The following CNTN3 variants were observed in gnomAD, a reference collection of about 807,000 sequenced individuals.
The protein encoded by CNTN3 is contactin-3.
In CNTN3, 60 loss-of-function variants were observed where a neutral mutation model predicts 119.1. The observed-to-expected ratio is 0.50, with a 90% CI of 0.41 to 0.62. The LOEUF (loss-of-function observed/expected upper bound fraction) is 0.62. CNTN3 is among the 20% of genes least tolerant of loss of function. The pLI, the probability that CNTN3 is intolerant of heterozygous loss-of-function variation, is 0.00. For synonymous variants in CNTN3, 450 were observed against 438.7 expected (o/e 1.03, Z -0.32); for missense variants, 1,101 against 1,242.4 (o/e 0.89, Z 1.71).
At chr3:74,392,137 A>G (rs1359202014) in intron 5 of CNTN3, among the ~76,000 whole-genome samples, 1 of 152,200 alleles carries the variant, frequency 6.6e-6, no homozygotes. Context: ...GACAGAGGAG[A>G]AAAAAACAAC....
At chr3:74,382,042 C>T (rs1704635530) in intron 5 of CNTN3, among the ~76,000 whole-genome samples, 1 of 152,010 alleles carries the variant, frequency 6.6e-6, no homozygotes, top group African/African-American at 2.4e-5. Flanking sequence ...AACCACGTTT[C>T]TACTAAAAAT....
intron 19 of CNTN3, among the ~76,000 whole-genome samples, chr3:74,286,913 AC>A (rs772457010): frequency 1.4e-4 from 22 of 152,100 alleles, no homozygotes; most frequent in Non-Finnish European, 2.9e-4. Context: ...GCATTTCCTC[AC>A]CCAGCAGACA....
Position 74,298,673 on chromosome 3 carries a change from GC to G in CNTN3, c.2167-483del, listed in dbSNP as rs1448030174. The stretch of plus-strand genomic sequence containing the variant: ...GCACTTTGGGAGGCCAAGGCAAGTG[GC>G]CATCACGAGGTCAGGAGTTTGAGAC... On this transcript the variant is annotated intron_variant, in intron 17 of 22. Transcript: ENST00000263665. Among the ~76,000 whole-genome samples the G allele has an allele frequency of 2.6e-5, 4 of 151,440 alleles. No individual in the cohort carries two copies. In the East Asian group the frequency reaches 7.8e-4, roughly 29 times the overall value.
chr3:74,553,521 A>C (rs1356124640), intron 1 of CNTN3, among the ~76,000 whole-genome samples: 1 of 152,212 alleles, frequency 6.6e-6, no homozygotes, highest in African/African-American at 2.4e-5. Flanking sequence ...TCTGTCTTCC[A>C]CAATGGTTGA....
At chr3:74,603,839 C>T (rs559480067) in intron 1 of CNTN3, among the ~76,000 whole-genome samples, 29 of 151,906 alleles carry the variant, frequency 1.9e-4, no homozygotes, top group Non-Finnish European at 3.2e-4. Context: ...TATGGAATCA[C>T]AAAAGACCCT....
intron 13 of CNTN3, among the ~76,000 whole-genome samples, chr3:74,316,877 G>A (rs559105381): frequency 6.6e-5 from 10 of 151,230 alleles, no homozygotes; most frequent in East Asian, 5.9e-4. Flanking sequence ...GCAATCAGCC[G>A]AGACCGCACC....
intron 1 of CNTN3, among the ~76,000 whole-genome samples, chr3:74,568,334 C>G (rs1382656523): frequency 6.6e-6 from 1 of 152,204 alleles, no homozygotes; most frequent in Non-Finnish European, 1.5e-5. Context: ...TTTTCTCTCA[C>G]TAGTTCGTCC....
At chr3:74,586,975 GCTA>G in intron 1 of CNTN3, among the ~76,000 whole-genome samples, 1 of 152,090 alleles carries the variant, frequency 6.6e-6, no homozygotes, top group Non-Finnish European at 1.5e-5. Context: ...GCCTCTCCCA[GCTA>G]CTCTTATTTT....
At chr3:74,461,133 T>C (rs1036480442) in intron 4 of CNTN3, among the ~76,000 whole-genome samples, 1 of 152,064 alleles carries the variant, frequency 6.6e-6, no homozygotes, top group East Asian at 1.9e-4. Context: ...CCCTCGCTGA[T>C]ATGATGTGTT....
chr3:74,284,598 T>C (rs1178017729), intron 20 of CNTN3, among the ~76,000 whole-genome samples: 1 of 152,194 alleles, frequency 6.6e-6, no homozygotes, highest in Non-Finnish European at 1.5e-5. Flanking sequence ...ACATTTGCAT[T>C]GTAAGTACCA....
chr3:74,512,101 T>C (rs972624113), intron 2 of CNTN3, among the ~76,000 whole-genome samples: 5 of 152,196 alleles, frequency 3.3e-5, no homozygotes, highest in African/African-American at 2.4e-5. Flanking sequence ...TATTTTTTCA[T>C]TGCAGCAGTG....
intron 13 of CNTN3, among the ~76,000 whole-genome samples, chr3:74,329,979 T>C (rs1703220900): frequency 6.6e-6 from 1 of 152,086 alleles, no homozygotes; most frequent in Non-Finnish European, 1.5e-5. Context: ...CAGGAGAGAA[T>C]GGGATAAATA....
chr3:74,402,664 T>C (rs915727893), intron 5 of CNTN3, among the ~76,000 whole-genome samples: 5 of 152,132 alleles, frequency 3.3e-5, no homozygotes, highest in African/African-American at 7.2e-5. Context: ...TGGATTCCAA[T>C]TGAAGGTAGT....
intron 5 of CNTN3, among the ~76,000 whole-genome samples, chr3:74,414,945 A>T (rs994497466): frequency 7.0e-6 from 1 of 142,178 alleles, no homozygotes; most frequent in Non-Finnish European, 1.5e-5. Flanking sequence ...TTGGGATAGG[A>T]GACAAAGCCT....
chr3:74,575,891 G>A (rs576730599), intron 1 of CNTN3, among the ~76,000 whole-genome samples: 1 of 151,948 alleles, frequency 6.6e-6, no homozygotes, highest in Non-Finnish European at 1.5e-5. Context: ...AAGCCCAGGT[G>A]GGTAAAGTTT....
chr3:74,438,472 C>T (rs532350743), intron 4 of CNTN3, among the ~76,000 whole-genome samples: 12 of 152,292 alleles, frequency 7.9e-5, no homozygotes, highest in African/African-American at 2.9e-4. Context: ...CAAAGATAAA[C>T]CCTGTGTCTT....
At chr3:74,517,567 C>A (rs530350888) in intron 2 of CNTN3, among the ~76,000 whole-genome samples, 2 of 151,846 alleles carry the variant, frequency 1.3e-5, no homozygotes, top group South Asian at 2.1e-4. Flanking sequence ...TTTCTTCCCC[C>A]CTTAAAGCCC....
At chr3:74,457,811 G>A (rs1702297897) in intron 4 of CNTN3, among the ~76,000 whole-genome samples, 1 of 151,860 alleles carries the variant, frequency 6.6e-6, no homozygotes, top group African/African-American at 2.4e-5. Context: ...AAATTGAAAG[G>A]ATCTAAGAAA....
intron 4 of CNTN3, among the ~76,000 whole-genome samples, chr3:74,428,514 A>G (rs1466690222): frequency 1.3e-5 from 2 of 152,218 alleles, no homozygotes; most frequent in Admixed American, 6.5e-5. Context: ...AAAATAAAAA[A>G]GCTTATTGAA....
Sources: gnomAD v4.1 joint callset for allele counts (sites outside exome capture counted in the v4.1 genomes callset) on GRCh38, gnomAD v4.1.1 for gene constraint, MANE v1.5 for transcripts, NCBI Gene and HGNC (gene_info 2026-07-23, HGNC 2026-07-21) for gene names.